Variants in NIPBL observed in about 807,000 individuals in gnomAD.
NIPBL encodes nipped-B-like protein.
A neutral mutation model predicts 321.8 loss-of-function variants in NIPBL; 19 were observed. That is an observed-to-expected ratio of 0.06 (90% CI 0.04 to 0.09). The LOEUF (loss-of-function observed/expected upper bound fraction) is 0.09, where lower values mean the gene tolerates loss of function less well. NIPBL is among the 10% of genes least tolerant of loss of function. NIPBL has a pLI of 1.00. For missense variants in NIPBL, 2,210 were observed against 3,327.0 expected (o/e 0.66, Z 8.26); for synonymous variants, 1,106 against 1,114.1 (o/e 0.99, Z 0.14).
intron 16 of NIPBL, among the ~76,000 whole-genome samples, chr5:37,004,062 C>T (rs1747133450): frequency 6.6e-6 from 1 of 152,208 alleles, no homozygotes; most frequent in South Asian, 2.1e-4. Flanking sequence ...TCCTTATATA[C>T]CGTTTTTATA....
At chr5:37,033,705 C>CACACATATATAT (rs1415570935) in intron 32 of NIPBL, among the ~76,000 whole-genome samples, 1 of 80,240 alleles carries the variant, frequency 1.2e-5, no homozygotes, top group Non-Finnish European at 2.3e-5. Flanking sequence ...CACACACACA[C>CACACATATATAT]ATATATATAT....
At chr5:36,962,685 G>C (rs1411448058) in intron 6 of NIPBL, among the ~76,000 whole-genome samples, 2 of 152,076 alleles carry the variant, frequency 1.3e-5, no homozygotes, top group Non-Finnish European at 2.9e-5. Context: ...ACCAAACACG[G>C]AGTGAAAATA....
At chr5:37,009,057 A>T (rs1369125599) in intron 20 of NIPBL, among the ~76,000 whole-genome samples, 2 of 152,186 alleles carry the variant, frequency 1.3e-5, no homozygotes, top group Non-Finnish European at 2.9e-5. Context: ...ATTAGGTACC[A>T]ATAGACACCC....
In NIPBL at chr5:36,985,192, C is replaced by T. The variant is rs1466337036; in HGVS notation, c.2012C>T (p.Pro671Leu). 1 of 1,613,712 alleles carries T rather than the reference C, an allele frequency of 6.2e-7. No individual in the cohort carries two copies. The highest frequency in any genetic ancestry group is 8.5e-7 in the Non-Finnish European group (1 of 1,179,898). The stretch of plus-strand genomic sequence containing the variant: ...CAAAACGAGAGCACCATAGTTGAGC[C>T]TAAACAAAATGAAAATAGACTGTCT... ...CKQNESTIVE[P>L]KQNENRLSDT... Residue 671 changes from proline (P) to leucine (L), a missense_variant, in exon 10 of 47, where the codon CCT becomes CTT. Physicochemically the swap from Pro to Leu is moderately conservative, Grantham distance 98. Transcript: ENST00000282516.
intron 1 of NIPBL, among the ~76,000 whole-genome samples, chr5:36,947,936 T>C (rs1739866942): frequency 6.6e-6 from 1 of 152,098 alleles, no homozygotes; most frequent in African/African-American, 2.4e-5. Context: ...GCTTATGATG[T>C]GCACACTGAT....
intron 1 of NIPBL, chr5:36,886,041 C>G (rs1745878783): frequency 4.2e-6 from 3 of 713,016 alleles, no homozygotes; most frequent in South Asian, 4.1e-5. Flanking sequence ...GAGAGCACCA[C>G]AGTGGTCACC....
intron 11 of NIPBL, 137 bp downstream of exon 11, chr5:36,995,941 C>A: frequency 1.4e-6 from 1 of 707,910 alleles, no homozygotes; most frequent in Non-Finnish European, 2.4e-6. Flanking sequence ...AAGTTTTTTT[C>A]TCTATACTTT....
chr5:36,942,159 G>A lies in NIPBL; in HGVS notation c.-79-11459G>A, dbSNP rs551429226. ...AAAAATTTATTTTCCCTGGCCAGGT[G>A]CAGTGGCTCATGCCTATAATCCCAG... is the stretch of plus-strand genomic sequence containing the variant. On this transcript the variant is annotated intron_variant, in intron 1 of 46. Transcript: ENST00000282516. Among the ~76,000 whole-genome samples the A allele has an allele frequency of 3.1e-4, 47 of 152,060 alleles. 1 individual carries two copies. In the South Asian group the frequency reaches 9.8e-3, roughly 32 times the overall value.
At chr5:36,958,841 A>G (rs1741275343) in intron 4 of NIPBL, among the ~76,000 whole-genome samples, 1 of 152,196 alleles carries the variant, frequency 6.6e-6, no homozygotes, top group Non-Finnish European at 1.5e-5. Flanking sequence ...TTGGCTCTCA[A>G]GATTAAAATA....
intron 9 of NIPBL, among the ~76,000 whole-genome samples, chr5:36,979,931 A>G (rs1743945969): frequency 6.6e-6 from 1 of 151,710 alleles, no homozygotes; most frequent in African/African-American, 2.4e-5. Context: ...TTAAATCTGT[A>G]TTATGGAAAA....
intron 45 of NIPBL, among the ~76,000 whole-genome samples, chr5:37,061,897 A>G (rs1249905510): frequency 4.6e-5 from 7 of 152,242 alleles, no homozygotes; most frequent in Admixed American, 1.3e-4. Flanking sequence ...GCTGGAGTGC[A>G]ATGGCGCGAT....
Position 37,066,276 on chromosome 5 carries a change from A to C in NIPBL, c.*1384A>C, listed in dbSNP as rs1755333681. On this transcript the variant is annotated 3_prime_UTR_variant, in exon 47 of 47. Coordinates refer to ENST00000282516, the MANE Select transcript of NIPBL (RefSeq NM_133433.4). ...TTTAAAAATGTTTTACTTATTTTTA[A>C]ATCACTTTGAAAAAATTGACCTCCA... 1 of 152,170 alleles carries C rather than the reference A, an allele frequency of 6.6e-6. No individual in the cohort carries two copies. Among genetic ancestry groups the C allele is most frequent in the African/African-American group, 2.4e-5 (1 of 41,462 alleles). 9.4% of individuals were successfully genotyped at this position (152,170 alleles called of 1,614,324 possible). A position where few individuals can be genotyped will look rare whatever the true frequency, so the allele number is the denominator to read the frequency against.
intron 1 of NIPBL, among the ~76,000 whole-genome samples, chr5:36,891,831 G>T (rs1238479880): frequency 6.6e-6 from 1 of 152,154 alleles, no homozygotes; most frequent in East Asian, 1.9e-4. Context: ...ATGGGGGATT[G>T]TAGCGAAGGA....
chr5:36,977,326 G>T (rs747690867), intron 9 of NIPBL, among the ~76,000 whole-genome samples: 1 of 151,564 alleles, frequency 6.6e-6, no homozygotes, highest in Non-Finnish European at 1.5e-5. Context: ...CTTGATATTG[G>T]GTAGAGCTGA....
chr5:37,061,378 T>TA (rs367555965), intron 45 of NIPBL, among the ~76,000 whole-genome samples: 38 of 152,050 alleles, frequency 2.5e-4, no homozygotes, highest in Admixed American at 1.8e-3. Context: ...AAGGGCCTGA[T>TA]AAAAAAATGG....
At chr5:36,935,231 C>T (rs1296779278) in intron 1 of NIPBL, among the ~76,000 whole-genome samples, 2 of 152,080 alleles carry the variant, frequency 1.3e-5, no homozygotes. Context: ...TTCTTTGATC[C>T]ATTCACTCTC....
At chr5:36,978,273 T>C (rs1743735997) in intron 9 of NIPBL, among the ~76,000 whole-genome samples, 1 of 152,056 alleles carries the variant, frequency 6.6e-6, no homozygotes, top group Admixed American at 6.6e-5. Flanking sequence ...TTTTTTGACT[T>C]TTTAGTAATA....
At chr5:36,886,513 G>T (rs919654978) in intron 1 of NIPBL, 1 of 739,996 alleles carries the variant, frequency 1.4e-6, no homozygotes, top group East Asian at 2.5e-5. Context: ...CAGAAGCAGG[G>T]TACCCTTTGG....
chr5:37,049,627 G>A (rs1753318098), intron 40 of NIPBL, among the ~76,000 whole-genome samples: 1 of 152,152 alleles, frequency 6.6e-6, no homozygotes, highest in African/African-American at 2.4e-5. Flanking sequence ...AATGTGAAGA[G>A]AGTTAACTGG....
Sources: gnomAD v4.1 joint callset for allele counts (sites outside exome capture counted in the v4.1 genomes callset) on GRCh38, gnomAD v4.1.1 for gene constraint, MANE v1.5 for transcripts, NCBI Gene and HGNC (gene_info 2026-07-23, HGNC 2026-07-21) for gene names.